Variants in CLCN1 observed in about 807,000 individuals in gnomAD.
CLCN1 encodes chloride channel protein 1.
A neutral mutation model predicts 114.5 loss-of-function variants in CLCN1; 100 were observed. That is an observed-to-expected ratio of 0.87 (90% confidence interval 0.74 to 1.03). The LOEUF (loss-of-function observed/expected upper bound fraction) is 1.03, where lower values mean the gene tolerates loss of function less well. CLCN1 is among the 50% of genes least tolerant of loss of function. The pLI is 0.00. For missense variants in CLCN1, 1,188 were observed against 1,250.0 expected (o/e 0.95, Z 0.75); for synonymous variants, 485 against 487.1 (o/e 1.00, Z 0.06).
intron 7 of CLCN1, among the ~76,000 whole-genome samples, chr7:143,328,375 A>G (rs1802630313): frequency 6.6e-6 from 1 of 152,196 alleles, no homozygotes; most frequent in Non-Finnish European, 1.5e-5. Flanking sequence ...GGGTGGGAGA[A>G]GAGAGCAATG....
At chr7:143,342,678 A>G (rs899333663) in intron 16 of CLCN1, among the ~76,000 whole-genome samples, 173 bp downstream of exon 16, 3 of 152,170 alleles carry the variant, frequency 2.0e-5, no homozygotes, top group Non-Finnish European at 1.5e-5. Context: ...TTAAAAATGC[A>G]ATTAAAAGGT....
intron 22 of CLCN1, 31 bp from the exon 23 acceptor site, chr7:143,351,563 T>C: frequency 6.2e-7 from 1 of 1,612,580 alleles, no homozygotes; most frequent in Non-Finnish European, 8.5e-7. Flanking sequence ...TCCAACTTTT[T>C]ACCCTCTTTT....
chr7:143,330,952 G>A, intron 8 of CLCN1, 55 bp downstream of exon 8: 1 of 1,613,438 alleles, frequency 6.2e-7, no homozygotes, highest in Non-Finnish European at 8.5e-7. Flanking sequence ...CTGGGAATGG[G>A]GTGCAGAGGA....
rs1802523329 is a variant in CLCN1, at chr7:143,324,280, G to C, written c.775-134G>C. 6.8e-6 allele frequency: 5 copies of C among 738,184 alleles called. No individual in the cohort carries two copies. Among genetic ancestry groups the C allele is most frequent in the Non-Finnish European group, 1.0e-5 (4 of 401,190 alleles). The allele number at this position is 738,184 out of a possible 1,614,324, so 45.7% of individuals were successfully genotyped here. ...TTCTCTTGGCCTGGGAATCACAGGG[G>C]ACATGGGACCACAAGGACTCCTTTT... On this transcript the variant is annotated intron_variant, in intron 6 of 22. Transcript: ENST00000343257. This position sits in a 1 kb window ranked among gnomAD's most constrained non-coding sequence, Gnocchi z 4.6.
chr7:143,331,429 C>A, intron 9 of CLCN1, 113 bp downstream of exon 9: 1 of 1,121,706 alleles, frequency 8.9e-7, no homozygotes, highest in Non-Finnish European at 1.4e-6. Flanking sequence ...GAGTACATTG[C>A]TGGGGGGATG....
At chr7:143,329,532 T>G (rs1475892349) in intron 7 of CLCN1, among the ~76,000 whole-genome samples, 2 of 152,118 alleles carry the variant, frequency 1.3e-5, no homozygotes, top group Non-Finnish European at 2.9e-5. Context: ...CTGATGTAAC[T>G]AGTCGACTGT....
At chr7:143,320,860 G>A in intron 3 of CLCN1, 65 bp downstream of exon 3, 1 of 1,595,864 alleles carries the variant, frequency 6.3e-7, no homozygotes. Flanking sequence ...TAAGCAGGGT[G>A]TGTTATCGGA....
chr7:143,326,937 GT>G (rs909123043), intron 7 of CLCN1, among the ~76,000 whole-genome samples: 4 of 151,978 alleles, frequency 2.6e-5, no homozygotes, highest in Admixed American at 6.6e-5. Context: ...GTTAAAGAGA[GT>G]TTTTTTTAAA....
intron 12 of CLCN1, among the ~76,000 whole-genome samples, 195 bp downstream of exon 12, chr7:143,333,068 G>A (rs766647543): frequency 1.7e-4 from 26 of 152,198 alleles, no homozygotes; most frequent in Non-Finnish European, 3.8e-4. Flanking sequence ...GCAGGCTGAG[G>A]CAGGTGGATC....
At chr7:143,348,523 C>T (rs900038054) in intron 20 of CLCN1, among the ~76,000 whole-genome samples, 10 of 152,152 alleles carry the variant, frequency 6.6e-5, no homozygotes, top group African/African-American at 1.9e-4. Context: ...TAAGGAGCTA[C>T]CAACTCCCAT....
intron 7 of CLCN1, among the ~76,000 whole-genome samples, chr7:143,325,521 A>G (rs1265774649): frequency 6.6e-6 from 1 of 152,246 alleles, no homozygotes; most frequent in Non-Finnish European, 1.5e-5. Flanking sequence ...TTCTGTCCTC[A>G]GCTCTACTCA....
At chr7:143,340,535 CCTTCT>C (rs768823286) in intron 14 of CLCN1, among the ~76,000 whole-genome samples, 6 of 152,154 alleles carry the variant, frequency 3.9e-5, no homozygotes, top group South Asian at 2.1e-4. Flanking sequence ...TTCTCCTTCT[CCTTCT>C]CTTCTCTTCT....
chr7:143,316,119 T>A lies in CLCN1; in HGVS notation c.-94T>A. The A allele has an allele frequency of 1.9e-6, 2 of 1,030,606 alleles. No homozygotes were observed. Among genetic ancestry groups the A allele is most frequent in the Non-Finnish European group, 3.0e-6 (2 of 665,116 alleles). The allele number at this position is 1,030,606 out of a possible 1,614,324, so 63.8% of individuals were successfully genotyped here. A position where few individuals can be genotyped will look rare whatever the true frequency, so the allele number is the denominator to read the frequency against. ...GGTGGGCATGCTGCCCCAGACGCCTTGGGGACAGCAAGAGCAGAGGCTTAA... is the reference window on the plus strand; with the variant it reads ...GGTGGGCATGCTGCCCCAGACGCCTAGGGGACAGCAAGAGCAGAGGCTTAA... On this transcript the variant is annotated 5_prime_UTR_variant, in exon 1 of 23. Coordinates refer to ENST00000343257, the MANE Select transcript of CLCN1 (RefSeq NM_000083.3).
rs182254737 is a variant in CLCN1, at chr7:143,339,807, G to A, written c.1582+186G>A. ...TCTCATTATTTCTTACTGAACTTCC[G>A]TGAGCCTTAGTTTCCTCATGTAGAA... On this transcript the variant is annotated intron_variant, in intron 14 of 22. Coordinates refer to ENST00000343257, the MANE Select transcript of CLCN1 (RefSeq NM_000083.3). The surrounding 1 kb of genome is among the most constrained non-coding windows in gnomAD (Gnocchi z 4.1). Among the ~76,000 whole-genome samples the A allele has an allele frequency of 2.0e-5, 3 of 152,258 alleles. No homozygotes were observed. Among genetic ancestry groups the A allele is most frequent in the Admixed American group, 6.5e-5 (1 of 15,290 alleles).
intron 12 of CLCN1, among the ~76,000 whole-genome samples, chr7:143,336,634 A>AG (rs1491457727): frequency 8.3e-6 from 1 of 120,358 alleles, no homozygotes; most frequent in Admixed American, 9.5e-5. Context: ...AAGAAGAAGA[A>AG]GAAAAAAAAA....
chr7:143,317,341 C>G (rs1488238986), intron 1 of CLCN1, among the ~76,000 whole-genome samples: 2 of 151,204 alleles, frequency 1.3e-5, no homozygotes, highest in African/African-American at 4.9e-5. Flanking sequence ...CTCCGCCTCC[C>G]GGGTTCAAGC....
At chr7:143,334,808 C>A (rs1586502156) in intron 12 of CLCN1, among the ~76,000 whole-genome samples, 1 of 152,168 alleles carries the variant, frequency 6.6e-6, no homozygotes, top group South Asian at 2.1e-4. Context: ...TAATTTAATC[C>A]CTTTAAAATG....
chr7:143,323,134 T>A (rs1391300731), intron 5 of CLCN1, among the ~76,000 whole-genome samples, 175 bp from the exon 6 acceptor site: 1 of 152,038 alleles, frequency 6.6e-6, no homozygotes, highest in East Asian at 1.9e-4. Context: ...AACACACTGG[T>A]TTCTCCTCTT....
chr7:143,329,837 T>C (rs142782718), intron 7 of CLCN1, among the ~76,000 whole-genome samples: 9 of 152,128 alleles, frequency 5.9e-5, no homozygotes, highest in Admixed American at 2.6e-4. Context: ...ATTTTTACTT[T>C]GCATCAGATT....
Sources: allele counts gnomAD v4.1 joint callset (sites outside exome capture counted in the v4.1 genomes callset), GRCh38; gene constraint gnomAD v4.1.1; non-coding constraint Gnocchi (gnomAD v3.1); transcripts MANE v1.5; gene names NCBI Gene and HGNC (gene_info 2026-07-23, HGNC 2026-07-21).